EBAG9: variants seen among roughly 807,000 people sequenced by gnomAD.
EBAG9 encodes the protein receptor-binding cancer antigen expressed on SiSo cells.
In EBAG9, 16 loss-of-function variants were observed where a neutral mutation model predicts 30.9. The ratio of observed to expected loss-of-function variants is 0.52; its 90% CI spans 0.35 to 0.79. EBAG9 has a LOEUF of 0.79. Among genes scored for constraint, EBAG9 ranks in the 30% least tolerant of loss-of-function variants. EBAG9 has a pLI of 0.01. For synonymous variants in EBAG9, 93 were observed against 82.8 expected, an observed-to-expected ratio of 1.12 and a Z score of -0.67; for missense variants, 197 against 242.1, an observed-to-expected ratio of 0.81 and a Z score of 1.24.
At chr8:109,558,298 A>G (rs1265699463) in intron 5 of EBAG9, among the ~76,000 whole-genome samples, 2 of 152,122 alleles carry the variant, frequency 1.3e-5, no homozygotes, top group African/African-American at 4.8e-5. Context: ...AATGCATTCT[A>G]GTAGGGGAGA....
At chr8:109,550,564 G>T in intron 1 of EBAG9, 2 of 303,566 alleles carry the variant, frequency 6.6e-6, no homozygotes, top group Non-Finnish European at 1.2e-5. Flanking sequence ...ATAGATTTAG[G>T]TAAAATTATT....
chr8:109,553,857 T>C lies in EBAG9; in HGVS notation c.84-8T>C. 1.3e-6 allele frequency: 2 copies of C among 1,599,630 alleles called. No individual in the cohort carries two copies. The highest frequency in any genetic ancestry group is 1.7e-6 in the Non-Finnish European group (2 of 1,175,168). On this transcript the variant is annotated splice_region_variant and splice_polypyrimidine_tract_variant and intron_variant, in intron 2 of 6. Coordinates refer to ENST00000337573, the MANE Select transcript of EBAG9 (RefSeq NM_004215.5). ...TTCTTGAAATAAATTATTTCATTTT[T>C]GTTTCAGATCTGGCAGAGGACGGAA...
At chr8:109,560,500 T>A (rs1197220539) in intron 5 of EBAG9, among the ~76,000 whole-genome samples, 3 of 152,212 alleles carry the variant, frequency 2.0e-5, no homozygotes, top group Admixed American at 2.0e-4. Context: ...CCCAGCTCCC[T>A]CATCTTACTG....
At chr8:109,558,350 A>G (rs1821644448) in intron 5 of EBAG9, among the ~76,000 whole-genome samples, 1 of 152,212 alleles carries the variant, frequency 6.6e-6, no homozygotes, top group Non-Finnish European at 1.5e-5. Flanking sequence ...ATATAATTAC[A>G]AACTTTGATA....
intron 5 of EBAG9, 84 bp downstream of exon 5, chr8:109,557,126 A>C: frequency 2.5e-6 from 2 of 789,412 alleles, no homozygotes; most frequent in Non-Finnish European, 3.8e-6. Flanking sequence ...AAATGAGTTT[A>C]ACATAGTATT....
At position 109,557,310 on chromosome 8, in the gene EBAG9, G is replaced by A. The variant is rs77897975; in HGVS notation, c.429+268G>A. Among the ~76,000 whole-genome samples the A allele has an allele frequency of 8.2e-3, 1,249 of 152,230 alleles. 13 individuals are homozygous for A. Among genetic ancestry groups the A allele is most frequent in the Middle Eastern group, 0.031 (9 of 294 alleles). ...TATTTAAAAATATAAACATCAGAGA[G>A]ATTACCATTAAAATGAGAGATTAAC... On this transcript the variant is annotated intron_variant, in intron 5 of 6. Transcript: ENST00000337573.
intron 5 of EBAG9, chr8:109,557,639 T>C: frequency 2.2e-6 from 1 of 454,974 alleles, no homozygotes; most frequent in Non-Finnish European, 4.4e-6. Context: ...TTAAAATAAT[T>C]ACAAATATTA....
intron 4 of EBAG9, among the ~76,000 whole-genome samples, chr8:109,555,762 G>C (rs1821586167): frequency 6.6e-6 from 1 of 152,064 alleles, no homozygotes; most frequent in African/African-American, 2.4e-5. Context: ...TAGAGATGCA[G>C]GGAATTACTG....
At chr8:109,550,759 T>C in intron 1 of EBAG9, 51 bp from the exon 2 acceptor site, 1 of 1,068,206 alleles carries the variant, frequency 9.4e-7, no homozygotes, top group Non-Finnish European at 1.4e-6. Context: ...GACAGGAGTA[T>C]GACTTTTGAA....
At chr8:109,550,355 A>C (rs1210103908) in intron 1 of EBAG9, 1 of 153,078 alleles carries the variant, frequency 6.5e-6, no homozygotes. Flanking sequence ...GACTTTGGTC[A>C]AGTTATTTGA....
chr8:109,561,543 G>C (rs1821711011), intron 6 of EBAG9, among the ~76,000 whole-genome samples: 1 of 152,030 alleles, frequency 6.6e-6, no homozygotes, highest in South Asian at 2.1e-4. Context: ...TTAGGTCAAA[G>C]AGTAAAGAGA....
chr8:109,558,571 T>A (rs1369606205), intron 5 of EBAG9, among the ~76,000 whole-genome samples: 1 of 152,106 alleles, frequency 6.6e-6, no homozygotes, highest in Non-Finnish European at 1.5e-5. Context: ...CATAGCTCAT[T>A]GTAAAGTTTT....
At chr8:109,554,972 A>G in intron 4 of EBAG9, 85 bp downstream of exon 4, 1 of 1,347,846 alleles carries the variant, frequency 7.4e-7, no homozygotes, top group Non-Finnish European at 1.0e-6. Flanking sequence ...CACATTTATT[A>G]GAAAGCCTAT....
chr8:109,563,121 A>G (rs1821742616), intron 6 of EBAG9, among the ~76,000 whole-genome samples: 1 of 152,124 alleles, frequency 6.6e-6, no homozygotes, highest in Admixed American at 6.6e-5. Context: ...TATTCTTCAG[A>G]AATTGATAGC....
chr8:109,557,021 T>A lies in EBAG9; in HGVS notation c.408T>A (p.Asp136Glu), dbSNP rs1304805063. The A allele has an allele frequency of 6.2e-7, 1 of 1,606,538 alleles. No homozygotes were observed. The highest frequency in any genetic ancestry group is 1.7e-5 in the Admixed American group (1 of 59,364). Reference sequence around the variant, plus strand: ...CTAGTAGATTAGCAGCTACACAAGATCTGCCTTTTATTCATCAGTCTGTAA... The same window carrying A: ...CTAGTAGATTAGCAGCTACACAAGAACTGCCTTTTATTCATCAGTCTGTAA... ...GFSSRLAATQ[D>E]LPFIHQSSEL... The change falls in exon 5 of 7, where the codon GAT becomes GAA. Residue 136 changes from aspartate (D) to glutamate (E), a missense_variant. Coordinates refer to ENST00000337573, the MANE Select transcript of EBAG9 (RefSeq NM_004215.5).
chr8:109,544,793 G>A (rs959235817), intron 1 of EBAG9, among the ~76,000 whole-genome samples: 4 of 152,100 alleles, frequency 2.6e-5, no homozygotes, highest in Non-Finnish European at 5.9e-5. Context: ...TGGATTAACA[G>A]ATTTTTTTCC....
chr8:109,547,818 T>C (rs1450654638), intron 1 of EBAG9, among the ~76,000 whole-genome samples: 4 of 152,182 alleles, frequency 2.6e-5, no homozygotes, highest in Admixed American at 2.0e-4. Flanking sequence ...GTTAGACCTT[T>C]TGCTCGTTTT....
chr8:109,557,749 G>A (rs1309182157), intron 5 of EBAG9: 2 of 453,200 alleles, frequency 4.4e-6, no homozygotes, highest in Admixed American at 2.4e-5. Flanking sequence ...TTGGGTTGGG[G>A]CTACAATCAT....
In EBAG9 at chr8:109,561,758, C is replaced by T. The variant is rs1176226250; in HGVS notation, c.521+829C>T. On this transcript the variant is annotated intron_variant, in intron 6 of 6. Transcript: ENST00000337573. ...TCTGACTCAACAAAAAAACTGATTT[C>T]ATTTTTGTATTTTCCTTTCTTGGCT... Among the ~76,000 whole-genome samples the T allele has an allele frequency of 3.3e-5, 5 of 151,928 alleles. No individual in the cohort carries two copies. The East Asian group carries it at 9.6e-4, about 29-fold the overall frequency.
Sources: gnomAD v4.1 joint callset for allele counts (sites outside exome capture counted in the v4.1 genomes callset) on GRCh38, gnomAD v4.1.1 for gene constraint, MANE v1.5 for transcripts, NCBI Gene and HGNC (gene_info 2026-07-23, HGNC 2026-07-21) for gene names.